The following AVEN variants were observed in gnomAD, a reference collection of about 807,000 sequenced individuals.
AVEN encodes cell death regulator Aven.
A neutral mutation model predicts 38.1 loss-of-function variants in AVEN; 41 were observed. The ratio of observed to expected loss-of-function variants is 1.08; its 90% CI spans 0.84 to 1.40. AVEN has a LOEUF of 1.40. AVEN is among the 40% of genes most tolerant of loss of function. AVEN has a pLI of 0.00. For synonymous variants in AVEN, 206 were observed against 171.8 expected, an observed-to-expected ratio of 1.20 and a Z score of -1.56; for missense variants, 605 against 438.8, an observed-to-expected ratio of 1.38 and a Z score of -3.38.
At chr15:33,948,375 G>A (rs184828056) in intron 2 of AVEN, among the ~76,000 whole-genome samples, 38 of 151,420 alleles carry the variant, frequency 2.5e-4, no homozygotes, top group South Asian at 4.2e-4. Flanking sequence ...GATTACAGGC[G>A]TGAGCCACCA....
At chr15:34,031,085 C>A (rs1326840766) in intron 1 of AVEN, among the ~76,000 whole-genome samples, 5 of 148,728 alleles carry the variant, frequency 3.4e-5, no homozygotes, top group African/African-American at 1.2e-4. Context: ...AGAGGAATCA[C>A]AACACTGATA....
chr15:34,031,422 G>A (rs1451094115), intron 1 of AVEN, among the ~76,000 whole-genome samples: 1 of 151,930 alleles, frequency 6.6e-6, no homozygotes, highest in Non-Finnish European at 1.5e-5. Context: ...TGATCTGCCT[G>A]CCTCAGCCTC....
intron 11 of AVEN, chr15:33,859,555 C>T (rs750332561): frequency 2.5e-6 from 4 of 1,613,284 alleles, no homozygotes; most frequent in East Asian, 4.5e-5. Flanking sequence ...GCCTAAATCC[C>T]CCTTATTTTT....
chr15:34,074,076 C>A (rs1014604352), intron 1 of AVEN, among the ~76,000 whole-genome samples: 1 of 142,978 alleles, frequency 7.0e-6, no homozygotes, highest in South Asian at 2.2e-4. Context: ...CGGCTCACTG[C>A]AGTCTCTGCC....
intron 2 of AVEN, among the ~76,000 whole-genome samples, chr15:33,981,027 C>G (rs1597304520): frequency 6.6e-6 from 1 of 152,142 alleles, no homozygotes; most frequent in East Asian, 1.9e-4. Context: ...AATGCTGTGA[C>G]TTGCTGAGGT....
At chr15:34,006,963 G>T in intron 1 of AVEN, 1 of 638,530 alleles carries the variant, frequency 1.6e-6, no homozygotes, top group Non-Finnish European at 1.9e-6. Context: ...AAAACAAGGT[G>T]AAAACTATAA....
chr15:33,982,658 G>T (rs1459274341), intron 2 of AVEN, among the ~76,000 whole-genome samples: 1 of 152,120 alleles, frequency 6.6e-6, no homozygotes, highest in Non-Finnish European at 1.5e-5. Context: ...TTTGAATTTA[G>T]TAATGGAAAC....
At chr15:33,984,493 C>T (rs941000671) in intron 2 of AVEN, among the ~76,000 whole-genome samples, 1 of 151,916 alleles carries the variant, frequency 6.6e-6, no homozygotes, top group Non-Finnish European at 1.5e-5. Context: ...ACCTCCACCT[C>T]CCTGGTTCAA....
intron 2 of AVEN, among the ~76,000 whole-genome samples, chr15:33,919,075 T>C (rs7170866): frequency 0.68 from 103,176 of 151,716 alleles, 35,210 homozygotes; most frequent in Middle Eastern, 0.77. Flanking sequence ...CACCTGCCCA[T>C]CACGCCCGGC....
At chr15:34,073,989 C>CTTT (rs5811818) in intron 1 of AVEN, among the ~76,000 whole-genome samples, 25 of 31,496 alleles carry the variant, frequency 7.9e-4, no homozygotes, top group South Asian at 1.8e-3. Flanking sequence ...TCTTCTTCTT[C>CTTT]TTTTTTTTTT....
At chr15:33,851,931 C>G in the AVEN span, 1 of 151,952 alleles carries the variant, frequency 6.6e-6, no homozygotes, top group Non-Finnish European at 1.5e-5. Flanking sequence ...TAGCAGTTTA[C>G]TCTGTAACAC....
At chr15:33,862,713 T>C (rs781380821), downstream of AVEN, among the ~76,000 whole-genome samples, 2 of 137,340 alleles carry the variant, frequency 1.5e-5, no homozygotes, top group Non-Finnish European at 3.1e-5. Context: ...TGGATTCAAG[T>C]GATTCTCCTG....
chr15:33,859,641 C>G lies in AVEN; in HGVS notation n.2730-547G>C, dbSNP rs760373919. On this transcript the variant is annotated intron_variant and non_coding_transcript_variant, in intron 11 of 11. Transcript: ENST00000675287. ...TGGCATTGGTGATGAAATTGAAGAC[C>G]CTGCTGGTGATCCTTATGAAATGTA... 25 of 1,613,940 alleles carry G rather than the reference C, an allele frequency of 1.5e-5. No homozygotes were observed. The highest frequency in any genetic ancestry group is 2.0e-5 in the Non-Finnish European group (24 of 1,179,852).
intron 2 of AVEN, among the ~76,000 whole-genome samples, chr15:33,986,936 C>T (rs1023475914): frequency 5.9e-5 from 9 of 152,182 alleles, no homozygotes; most frequent in South Asian, 2.1e-4. Flanking sequence ...GGATTACAGG[C>T]ATGAGCCACC....
chr15:33,858,470 G>C (rs34765558), downstream of AVEN: 1 of 141,550 alleles, frequency 7.1e-6, no homozygotes, highest in Non-Finnish European at 1.6e-5. Context: ...GCCTCCCAAA[G>C]TGCTGGGATT....
chr15:33,933,524 C>CACACACACACACACAGAGAGAGAGAG (rs1893945145), intron 2 of AVEN, among the ~76,000 whole-genome samples: 3 of 46,648 alleles, frequency 6.4e-5, no homozygotes, highest in Non-Finnish European at 8.9e-5. Flanking sequence ...CACACACACA[C>CACACACACACACACAGAGAGAGAGAG]AGAGAGAGAG....
intron 2 of AVEN, among the ~76,000 whole-genome samples, chr15:33,989,577 G>A (rs1425752160): frequency 6.6e-6 from 1 of 151,948 alleles, no homozygotes; most frequent in African/African-American, 2.4e-5. Context: ...CTGAAAAGAT[G>A]CCTTTCCTAC....
At chr15:33,877,304 T>C (rs7177583) in intron 2 of AVEN, among the ~76,000 whole-genome samples, 5,666 of 152,264 alleles carry the variant, frequency 0.037, 317 homozygotes, top group South Asian at 0.12. Context: ...ATCTAACATT[T>C]TTTTAAAAAG....
chr15:33,881,895 G>T (rs1470045570), intron 2 of AVEN, among the ~76,000 whole-genome samples: 2 of 152,196 alleles, frequency 1.3e-5, no homozygotes, highest in African/African-American at 4.8e-5. Context: ...AAGAAAACCA[G>T]AAAAGAACAG....
Sources: gnomAD v4.1 joint callset for allele counts (sites outside exome capture counted in the v4.1 genomes callset) on GRCh38, gnomAD v4.1.1 for gene constraint, MANE v1.5 for transcripts, NCBI Gene and HGNC (gene_info 2026-07-23, HGNC 2026-07-21) for gene names.